PKIB: variants seen among roughly 807,000 people sequenced by gnomAD.
The protein encoded by PKIB is cAMP-dependent protein kinase inhibitor beta.
Under a neutral mutation model 4.5 loss-of-function variants are expected in PKIB, and 2 were observed. The observed-to-expected ratio is 0.44, with a 90% CI of 0.18 to 1.39. The LOEUF is 1.39. Ranked by LOEUF, PKIB falls within the 40% of genes most tolerant of loss-of-function variation. PKIB has a pLI of 0.27. For synonymous variants in PKIB, 38 were observed against 36.0 expected (o/e 1.06, Z -0.20); for missense variants, 94 against 92.6 (o/e 1.02, Z -0.06).
intron 2 of PKIB, among the ~76,000 whole-genome samples, chr6:122,502,868 T>A (rs1281245276): frequency 6.6e-6 from 1 of 152,154 alleles, no homozygotes; most frequent in South Asian, 2.1e-4. Context: ...CTTGAAAGAG[T>A]CAGTCAAGAG....
intron 2 of PKIB, among the ~76,000 whole-genome samples, chr6:122,556,826 A>C (rs1305535597): frequency 6.6e-6 from 1 of 152,244 alleles, no homozygotes; most frequent in Non-Finnish European, 1.5e-5. Context: ...ACCAAGCCAC[A>C]TGTGCTACCT....
chr6:122,578,086 T>A (rs1404324531), intron 2 of PKIB, among the ~76,000 whole-genome samples: 1 of 151,918 alleles, frequency 6.6e-6, no homozygotes, highest in African/African-American at 2.4e-5. Context: ...AGAAACAATC[T>A]GATTTATGAG....
chr6:122,566,545 T>G (rs1773200626), intron 2 of PKIB, among the ~76,000 whole-genome samples: 3 of 152,078 alleles, frequency 2.0e-5, no homozygotes. Context: ...CTAAAAATAT[T>G]ATAACCAAAA....
intron 3 of PKIB, among the ~76,000 whole-genome samples, chr6:122,601,042 C>A (rs568089993): frequency 1.3e-5 from 2 of 149,190 alleles, no homozygotes; most frequent in South Asian, 4.2e-4. Flanking sequence ...AAACTAACAG[C>A]AGTTTAAATA....
intron 2 of PKIB, among the ~76,000 whole-genome samples, chr6:122,556,427 T>C (rs79630395): frequency 0.012 from 1,776 of 152,294 alleles, 38 homozygotes; most frequent in East Asian, 0.044. Context: ...ACTTGTCAAC[T>C]TCCTTGAATT....
intron 2 of PKIB, among the ~76,000 whole-genome samples, chr6:122,510,366 A>G (rs1312787617): frequency 6.6e-6 from 1 of 152,260 alleles, no homozygotes; most frequent in Non-Finnish European, 1.5e-5. Flanking sequence ...AAAGTTTGAC[A>G]AATTGTGGGA....
intron 2 of PKIB, among the ~76,000 whole-genome samples, chr6:122,645,530 GAC>G (rs1776276096): frequency 6.6e-6 from 1 of 152,210 alleles, no homozygotes; most frequent in Non-Finnish European, 1.5e-5. Flanking sequence ...GGGTTGTGGT[GAC>G]ACAGAGTCTG....
intron 3 of PKIB, among the ~76,000 whole-genome samples, chr6:122,711,302 C>T (rs548289069): frequency 9.2e-5 from 14 of 152,036 alleles, no homozygotes; most frequent in Admixed American, 2.6e-4. Flanking sequence ...TTTTTTGTTA[C>T]GGAAAGCAGC....
At chr6:122,676,586 T>A (rs950494736) in intron 3 of PKIB, among the ~76,000 whole-genome samples, 5 of 152,204 alleles carry the variant, frequency 3.3e-5, no homozygotes, top group African/African-American at 1.2e-4. Context: ...ATGACTACCC[T>A]AGATCATTTT....
chr6:122,613,536 G>C (rs1285574727), intron 1 of PKIB, among the ~76,000 whole-genome samples: 2 of 152,060 alleles, frequency 1.3e-5, no homozygotes, highest in Middle Eastern at 3.2e-3. Context: ...GTTAGTTTCA[G>C]ACATTTTCAT....
At chr6:122,504,720 G>T (rs1305684276) in intron 2 of PKIB, among the ~76,000 whole-genome samples, 1 of 152,072 alleles carries the variant, frequency 6.6e-6, no homozygotes, top group Non-Finnish European at 1.5e-5. Flanking sequence ...ATTGTATTTT[G>T]TTATAGACAT....
At chr6:122,681,388 C>G (rs959315432) in intron 3 of PKIB, among the ~76,000 whole-genome samples, 2 of 152,088 alleles carry the variant, frequency 1.3e-5, no homozygotes, top group African/African-American at 2.4e-5. Context: ...TGGTAAATTA[C>G]TTTTTAGAAT....
chr6:122,589,053 C>T (rs1430555782), intron 3 of PKIB, among the ~76,000 whole-genome samples: 1 of 152,034 alleles, frequency 6.6e-6, no homozygotes, highest in Non-Finnish European at 1.5e-5. Context: ...ATATAACTTC[C>T]TAGCACAGGA....
chr6:122,501,886 T>C (rs187748537), intron 2 of PKIB, among the ~76,000 whole-genome samples: 1 of 152,232 alleles, frequency 6.6e-6, no homozygotes, highest in East Asian at 1.9e-4. Context: ...TTCATTTCTT[T>C]GTTTATGCAA....
intron 3 of PKIB, among the ~76,000 whole-genome samples, chr6:122,602,152 A>T (rs993566637): frequency 6.6e-6 from 1 of 152,190 alleles, no homozygotes; most frequent in Non-Finnish European, 1.5e-5. Flanking sequence ...ACCACTGGAA[A>T]TTATTCTCAG....
chr6:122,490,641 C>T (rs1436057874), intron 2 of PKIB, among the ~76,000 whole-genome samples: 1 of 152,086 alleles, frequency 6.6e-6, no homozygotes, highest in Non-Finnish European at 1.5e-5. Context: ...ATATTGGCTA[C>T]CCTTTGTCTT....
intron 3 of PKIB, among the ~76,000 whole-genome samples, chr6:122,690,979 T>C (rs35533735): frequency 0.23 from 34,008 of 149,014 alleles, 4,292 homozygotes; most frequent in Non-Finnish European, 0.26. Flanking sequence ...TAAAAGGTTT[T>C]TTTCCTTTAG....
chr6:122,556,061 G>T (rs1772827699), intron 2 of PKIB, among the ~76,000 whole-genome samples: 1 of 152,204 alleles, frequency 6.6e-6, no homozygotes, highest in South Asian at 2.1e-4. Context: ...ATCCCCACGT[G>T]TTGGGGAAGG....
intron 2 of PKIB, among the ~76,000 whole-genome samples, chr6:122,669,245 A>G (rs1777352107): frequency 6.6e-6 from 1 of 152,140 alleles, no homozygotes; most frequent in Non-Finnish European, 1.5e-5. Flanking sequence ...AATTTAAACT[A>G]AAGAAATTAT....
Sources: allele counts gnomAD v4.1 joint callset (sites outside exome capture counted in the v4.1 genomes callset), GRCh38; gene constraint gnomAD v4.1.1; transcripts MANE v1.5; gene names NCBI Gene and HGNC (gene_info 2026-07-23, HGNC 2026-07-21).